The following LMO7 variants were observed in gnomAD, a reference collection of about 807,000 sequenced individuals.
The protein encoded by LMO7 is LIM domain 7.
In LMO7, 120 loss-of-function variants were observed where a neutral mutation model predicts 206.5. The observed-to-expected ratio is 0.58, with a 90% confidence interval of 0.50 to 0.68. The LOEUF (loss-of-function observed/expected upper bound fraction) is 0.68. LMO7 is among the 30% of genes least tolerant of loss of function. LMO7 has a pLI of 0.00. For missense variants in LMO7, 1,959 were observed against 1,957.9 expected (o/e 1.00, Z -0.01); for synonymous variants, 706 against 681.5 (o/e 1.04, Z -0.56).
chr13:75,679,324 T>C (rs1269580581), intron 1 of LMO7, among the ~76,000 whole-genome samples: 1 of 152,226 alleles, frequency 6.6e-6, no homozygotes, highest in Admixed American at 6.5e-5. Flanking sequence ...TGTGTCTCAC[T>C]CATCCAGAGG....
At chr13:75,783,627 A>C (rs891544712) in intron 4 of LMO7, among the ~76,000 whole-genome samples, 1 of 152,198 alleles carries the variant, frequency 6.6e-6, no homozygotes, top group African/African-American at 2.4e-5. Flanking sequence ...CGGGCCAGAT[A>C]CATCATTTCC....
At chr13:75,626,570 ATATATAT>A (rs143015844) in intron 2 of LMO7, among the ~76,000 whole-genome samples, 975 of 83,664 alleles carry the variant, frequency 0.012, 127 homozygotes, top group African/African-American at 0.036. Flanking sequence ...CCCTCTTAAC[ATATATAT>A]TATATATATA....
chr13:75,823,920 C>A, intron 15 of LMO7, 47 bp downstream of exon 15: 1 of 1,480,622 alleles, frequency 6.8e-7, no homozygotes, highest in Non-Finnish European at 9.3e-7. Context: ...GACACTTACA[C>A]ATTTAAATCT....
rs1293512779 is a variant in LMO7, at chr13:75,654,874, C to CT, written c.69+18149dup. Among the ~76,000 whole-genome samples, 259 of 103,896 alleles carry CT rather than the reference C, an allele frequency of 2.5e-3. 1 individual carries two copies. The highest frequency in any genetic ancestry group is 8.0e-3 in the African/African-American group (240 of 30,032). The allele number at this position is 103,896 out of a possible 152,430, so 68.2% of individuals were successfully genotyped here. A position where few individuals can be genotyped will look rare whatever the true frequency, so the allele number is the denominator to read the frequency against. On this transcript the variant is annotated intron_variant, in intron 1 of 30. Coordinates refer to ENST00000377534, the MANE Select transcript of LMO7 (RefSeq NM_001306080.2). ...ACAACTACTTTTTCTTTTCTCTTCT[C>CT]TCTTTTTTTTTTTTTGACAAAATCT...
At chr13:75,711,195 G>T (rs1189627244) in intron 1 of LMO7, among the ~76,000 whole-genome samples, 1 of 152,182 alleles carries the variant, frequency 6.6e-6, no homozygotes, top group Non-Finnish European at 1.5e-5. Context: ...GCTGGATTCG[G>T]TTTGCCAGTA....
intron 1 of LMO7, among the ~76,000 whole-genome samples, chr13:75,667,100 T>A (rs1371542921): frequency 1.3e-5 from 2 of 152,226 alleles, no homozygotes; most frequent in Non-Finnish European, 2.9e-5. Context: ...GCCACTGTTT[T>A]CCAATTCCAT....
chr13:75,823,110 G>T (rs926879262), intron 14 of LMO7, among the ~76,000 whole-genome samples: 1 of 151,854 alleles, frequency 6.6e-6, no homozygotes, highest in Non-Finnish European at 1.5e-5. Flanking sequence ...TCAGTTAAGG[G>T]GAATCTCATC....
At chr13:75,779,020 C>T (rs17065026) in intron 4 of LMO7, among the ~76,000 whole-genome samples, 19,608 of 152,016 alleles carry the variant, frequency 0.13, 1,639 homozygotes, top group South Asian at 0.24. Flanking sequence ...TTTAGGAGCT[C>T]GAATTGATGG....
At position 75,840,393 on chromosome 13, in the gene LMO7, T is replaced by C; in HGVS notation, c.3480T>C (p.Leu1160=). The change falls in exon 22 of 31, where the codon CTT becomes CTC. Residue 1160 remains leucine (L), a splice_region_variant and synonymous_variant. Transcript: ENST00000377534. Reference sequence around the variant, plus strand: ...TCTCTTCTCTGATAACTGGTTAGCTTCCAGTTCCAACCATCAGTGCCCCGA... The same window carrying C: ...TCTCTTCTCTGATAACTGGTTAGCTCCCAGTTCCAACCATCAGTGCCCCGA... ...QGSSDSVVPD[L]PVPTISAPSR... 4.3e-6 allele frequency: 7 copies of C among 1,614,026 alleles called. No homozygotes were observed. Among genetic ancestry groups the C allele is most frequent in the Non-Finnish European group, 5.9e-6 (7 of 1,179,926 alleles).
At chr13:75,722,918 T>C (rs2044145399) in intron 2 of LMO7, among the ~76,000 whole-genome samples, 1 of 152,136 alleles carries the variant, frequency 6.6e-6, no homozygotes, top group South Asian at 2.1e-4. Flanking sequence ...AACTCAGGAA[T>C]GAAAAACCAA....
Position 75,849,130 on chromosome 13 carries a change from G to T in LMO7, c.4202G>T (p.Arg1401Ile). 1 of 1,613,316 alleles carries T rather than the reference G, an allele frequency of 6.2e-7. No homozygotes were observed. The highest frequency in any genetic ancestry group is 8.5e-7 in the Non-Finnish European group (1 of 1,179,290). The change falls in exon 27 of 31, where the codon AGA becomes ATA. Residue 1401 changes from arginine (R) to isoleucine (I), a missense_variant. Coordinates refer to ENST00000377534, the MANE Select transcript of LMO7 (RefSeq NM_001306080.2). ...GGGAACATGACCTCTTCACAGAGGA[G>T]ATCCAAGAAAGAACAAGTACCATCA... The part of the protein sequence containing the change: ...QIGNMTSSQR[R>I]SKKEQVPSGA...
At chr13:75,672,208 T>A (rs942586020) in intron 1 of LMO7, among the ~76,000 whole-genome samples, 1 of 151,796 alleles carries the variant, frequency 6.6e-6, no homozygotes, top group African/African-American at 2.4e-5. Flanking sequence ...TGCCCTTATA[T>A]ATTGGCCCAT....
intron 1 of LMO7, among the ~76,000 whole-genome samples, chr13:75,701,455 C>T (rs989663128): frequency 6.6e-6 from 1 of 152,144 alleles, no homozygotes; most frequent in South Asian, 2.1e-4. Flanking sequence ...TAGTAATTCA[C>T]AGGGAGGTAA....
intron 1 of LMO7, among the ~76,000 whole-genome samples, chr13:75,646,670 A>ACCT (rs2037049834): frequency 6.7e-6 from 1 of 148,954 alleles, no homozygotes; most frequent in East Asian, 2.0e-4. Context: ...GGCAACCTCC[A>ACCT]CCTCCCAGGT....
chr13:75,761,125 T>C (rs1276475241), intron 4 of LMO7, 87 bp downstream of exon 4: 3 of 840,614 alleles, frequency 3.6e-6, no homozygotes, highest in Non-Finnish European at 5.4e-6. Context: ...TGAGAGTTCA[T>C]GATTACAGAA....
chr13:75,761,103 GA>G, intron 4 of LMO7, 65 bp downstream of exon 4: 1 of 1,017,404 alleles, frequency 9.8e-7, no homozygotes, highest in South Asian at 1.7e-5. Context: ...TAGCTTAAGT[GA>G]AAAGAATTGC....
At chr13:75,673,824 T>C (rs944834715) in intron 1 of LMO7, among the ~76,000 whole-genome samples, 1 of 152,206 alleles carries the variant, frequency 6.6e-6, no homozygotes, top group African/African-American at 2.4e-5. Flanking sequence ...AGAAAAATAA[T>C]AGCCACTCAT....
At chr13:75,732,179 T>C (rs531648116) in intron 3 of LMO7, among the ~76,000 whole-genome samples, 1 of 152,348 alleles carries the variant, frequency 6.6e-6, no homozygotes, top group East Asian at 1.9e-4. Flanking sequence ...CCTGCCTTGC[T>C]AGATTGGGGA....
At chr13:75,757,435 A>T (rs1425646573) in intron 3 of LMO7, among the ~76,000 whole-genome samples, 3 of 152,174 alleles carry the variant, frequency 2.0e-5, no homozygotes, top group African/African-American at 4.8e-5. Context: ...CCAATAGATA[A>T]CTAATAGGGT....
Sources: gnomAD v4.1 joint callset for allele counts (sites outside exome capture counted in the v4.1 genomes callset) on GRCh38, gnomAD v4.1.1 for gene constraint, MANE v1.5 for transcripts, NCBI Gene and HGNC (gene_info 2026-07-23, HGNC 2026-07-21) for gene names.